The following PPP6R3 variants were observed in gnomAD, a reference collection of about 807,000 sequenced individuals.
The protein encoded by PPP6R3 is protein phosphatase 6 regulatory subunit 3, also known as serine/threonine-protein phosphatase 6 regulatory subunit 3.
A neutral mutation model predicts 110.7 loss-of-function variants in PPP6R3; 38 were observed. That is an observed-to-expected ratio of 0.34 (90% confidence interval 0.26 to 0.45). The LOEUF (loss-of-function observed/expected upper bound fraction) is 0.45, where lower values mean the gene tolerates loss of function less well. Ranked by LOEUF, PPP6R3 falls within the 20% of genes least tolerant of loss-of-function variation. The probability of loss-of-function intolerance (pLI) is 1.00; values close to 1 mark genes in which losing one functional copy is unlikely to be tolerated. For synonymous variants in PPP6R3, 369 were observed against 373.5 expected (o/e 0.99, Z 0.14); for missense variants, 870 against 1,062.4 (o/e 0.82, Z 2.52).
intron 15 of PPP6R3, chr11:68,586,745 T>C (rs1031982888): frequency 6.6e-6 from 1 of 152,260 alleles, no homozygotes; most frequent in African/African-American, 2.4e-5. Flanking sequence ...GCAATAATTA[T>C]CCATGCCATA....
chr11:68,589,925 T>C (rs542282424), intron 16 of PPP6R3, among the ~76,000 whole-genome samples: 144 of 152,372 alleles, frequency 9.5e-4, no homozygotes, highest in African/African-American at 3.2e-3. Context: ...ACACAAGATA[T>C]TCTGTCCATA....
intron 3 of PPP6R3, 115 bp from the exon 4 acceptor site, chr11:68,544,723 C>T (rs1235349138): frequency 5.9e-6 from 4 of 675,044 alleles, no homozygotes; most frequent in East Asian, 2.9e-5. Flanking sequence ...TCCTGATTTC[C>T]AGTAAACGAT....
chr11:68,512,535 G>A (rs1041222229), intron 1 of PPP6R3, among the ~76,000 whole-genome samples: 2 of 152,222 alleles, frequency 1.3e-5, no homozygotes, highest in Non-Finnish European at 2.9e-5. Flanking sequence ...GTTTTTGGTT[G>A]TGCGTAGGAT....
intron 1 of PPP6R3, among the ~76,000 whole-genome samples, chr11:68,472,812 A>T (rs1336519475): frequency 3.3e-5 from 5 of 152,202 alleles, no homozygotes; most frequent in Non-Finnish European, 5.9e-5. Context: ...ACTATTCTGG[A>T]CATTGCTTAT....
rs144583050 is a variant in PPP6R3 at position 68,614,185 on chromosome 11, C to G, written c.*1068C>G. On this transcript the variant is annotated 3_prime_UTR_variant, in exon 24 of 24. Transcript: ENST00000393800. ...CGAAGCATGCTAATTGTTTACTGTA[C>G]CTTGTGAGGTTTTCACTCATAAATT... 3.0e-6 allele frequency: 3 copies of G among 987,688 alleles called. No homozygotes were observed. Among genetic ancestry groups the G allele is most frequent in the Admixed American group, 1.2e-4 (2 of 16,296 alleles). The allele number at this position is 987,688 out of a possible 1,614,324, so 61.2% of individuals were successfully genotyped here. A position where few individuals can be genotyped will look rare whatever the true frequency, so the allele number is the denominator to read the frequency against.
intron 1 of PPP6R3, among the ~76,000 whole-genome samples, chr11:68,461,488 C>CGGGG (rs1554991168): frequency 2.8e-5 from 1 of 35,548 alleles, no homozygotes; most frequent in Non-Finnish European, 5.1e-5. Flanking sequence ...GTATTTGAGC[C>CGGGG]GGGGGTGGGG....
At chr11:68,524,816 A>G (rs1429626828) in intron 2 of PPP6R3, among the ~76,000 whole-genome samples, 5 of 152,204 alleles carry the variant, frequency 3.3e-5, no homozygotes, top group Admixed American at 2.0e-4. Context: ...CTGTGAATCC[A>G]TGCCATCAGA....
chr11:68,580,050 A>G (rs142875695), intron 14 of PPP6R3, among the ~76,000 whole-genome samples: 14 of 152,344 alleles, frequency 9.2e-5, no homozygotes, highest in South Asian at 2.1e-4. Context: ...TCTTTGGGGC[A>G]GGTGTACAGT....
intron 17 of PPP6R3, 120 bp from the exon 18 acceptor site, chr11:68,591,456 A>G: frequency 1.2e-6 from 1 of 867,108 alleles, no homozygotes; most frequent in Non-Finnish European, 1.7e-6. Flanking sequence ...ATTTTGGTGT[A>G]TGTGATAGGC....
chr11:68,477,963 T>C (rs190382166), intron 1 of PPP6R3, among the ~76,000 whole-genome samples: 4 of 149,730 alleles, frequency 2.7e-5, no homozygotes, highest in East Asian at 2.0e-4. Context: ...CTTTTTTTTT[T>C]CTTCTTGAGA....
At chr11:68,606,565 C>G (rs550389176) in intron 22 of PPP6R3, among the ~76,000 whole-genome samples, 1 of 151,824 alleles carries the variant, frequency 6.6e-6, no homozygotes, top group Non-Finnish European at 1.5e-5. Context: ...ATCCACCTGC[C>G]TCCACCTCCC....
At chr11:68,612,450 C>T (rs1943990480) in intron 23 of PPP6R3, among the ~76,000 whole-genome samples, 2 of 152,114 alleles carry the variant, frequency 1.3e-5, no homozygotes, top group Non-Finnish European at 2.9e-5. Flanking sequence ...GTTATATATT[C>T]AGGTTGTAAT....
At chr11:68,507,289 G>A (rs897463751) in intron 1 of PPP6R3, among the ~76,000 whole-genome samples, 8 of 148,322 alleles carry the variant, frequency 5.4e-5, no homozygotes, top group African/African-American at 2.0e-4. Flanking sequence ...TTGATTAACG[G>A]CTTAGAAGTC....
At chr11:68,489,451 C>T (rs535330836) in intron 1 of PPP6R3, among the ~76,000 whole-genome samples, 2 of 151,696 alleles carry the variant, frequency 1.3e-5, no homozygotes, top group Non-Finnish European at 2.9e-5. Context: ...GCAGTTAATC[C>T]ATGTCCACTT....
At chr11:68,577,277 A>T (rs758494083) in intron 14 of PPP6R3, among the ~76,000 whole-genome samples, 249 of 152,280 alleles carry the variant, frequency 1.6e-3, no homozygotes, top group Non-Finnish European at 3.2e-3. Flanking sequence ...CTATCGTTTA[A>T]CTTGAGTGTT....
At chr11:68,505,761 CTG>C (rs528653547) in intron 1 of PPP6R3, among the ~76,000 whole-genome samples, 105 of 152,300 alleles carry the variant, frequency 6.9e-4, no homozygotes, top group African/African-American at 2.3e-3. Flanking sequence ...TGCTCAGTAA[CTG>C]TGTGTGGCTG....
chr11:68,550,989 G>A, intron 5 of PPP6R3, 132 bp from the exon 6 acceptor site: 1 of 629,000 alleles, frequency 1.6e-6, no homozygotes, highest in Non-Finnish European at 2.7e-6. Context: ...ATTTTCTGTA[G>A]TGTTCAAAGT....
chr11:68,610,198 G>A (rs544691845), intron 23 of PPP6R3, among the ~76,000 whole-genome samples, 175 bp downstream of exon 23: 5 of 152,324 alleles, frequency 3.3e-5, no homozygotes, highest in Admixed American at 1.3e-4. Context: ...ACTGAGCTGA[G>A]AACTTAGAAA....
intron 4 of PPP6R3, among the ~76,000 whole-genome samples, chr11:68,546,010 A>G (rs746652364): frequency 2.0e-5 from 3 of 152,220 alleles, no homozygotes; most frequent in African/African-American, 7.2e-5. Context: ...CATTGTTGCT[A>G]TCAGCACTTG....
Sources: allele counts gnomAD v4.1 joint callset (sites outside exome capture counted in the v4.1 genomes callset), GRCh38; gene constraint gnomAD v4.1.1; transcripts MANE v1.5; gene names NCBI Gene and HGNC (gene_info 2026-07-23, HGNC 2026-07-21).